The following DDA1 variants were observed in gnomAD, a reference collection of about 807,000 sequenced individuals.
DDA1 encodes DET1- and DDB1-associated protein 1.
Under a neutral mutation model 18.6 loss-of-function variants are expected in DDA1, and 3 were observed. The ratio of observed to expected loss-of-function variants is 0.16; its 90% CI spans 0.07 to 0.42. The LOEUF (loss-of-function observed/expected upper bound fraction) is 0.42, where lower values mean the gene tolerates loss of function less well. DDA1 is among the 10% of genes least tolerant of loss of function. The pLI is 0.99. For synonymous variants in DDA1, 52 were observed against 54.0 expected, an observed-to-expected ratio of 0.96 and a Z score of 0.17; for missense variants, 105 against 138.2, an observed-to-expected ratio of 0.76 and a Z score of 1.20.
At chr19:17,315,304 GTATATATATACACGCTA>G (rs1183099858) in intron 3 of DDA1, among the ~76,000 whole-genome samples, 1,701 of 29,084 alleles carry the variant, frequency 0.058, 231 homozygotes, top group African/African-American at 0.081. Context: ...ATACACACGT[GTATATATATACACGCTA>G]TATATATACA....
chr19:17,319,626 C>T lies in DDA1; in HGVS notation c.279C>T (p.Thr93=), dbSNP rs1216413816. ...CACCTCCCCGCAAGGTGGCGCGGAC[C>T]GACAGCCCAGACATGCACGAGGACA... The part of the protein sequence containing the change: ...SSAPPRKVAR[T]DSPDMHEDT Residue 93 remains threonine (T), a synonymous_variant, in exon 5 of 5, where the codon ACC becomes ACT. Coordinates refer to ENST00000359866, the MANE Select transcript of DDA1 (RefSeq NM_024050.6). 16 of 1,576,160 alleles carry T rather than the reference C, an allele frequency of 1.0e-5. No homozygotes were observed. The highest frequency in any genetic ancestry group is 4.7e-5 in the East Asian group (2 of 42,988).
intron 4 of DDA1, 121 bp downstream of exon 4, chr19:17,316,116 G>A: frequency 8.6e-7 from 1 of 1,165,566 alleles, no homozygotes; most frequent in South Asian, 1.2e-5. Flanking sequence ...GGCTGGGTAG[G>A]AGTGCCCTGG....
chr19:17,316,993 T>A (rs2074216430), intron 4 of DDA1, among the ~76,000 whole-genome samples: 1 of 151,806 alleles, frequency 6.6e-6, no homozygotes, highest in Non-Finnish European at 1.5e-5. Context: ...TTGGGAGGCC[T>A]ACGCAGGCGG....
intron 4 of DDA1, among the ~76,000 whole-genome samples, chr19:17,317,709 T>C (rs2074220707): frequency 6.8e-6 from 1 of 146,398 alleles, no homozygotes; most frequent in Admixed American, 6.8e-5. Flanking sequence ...GGCTGTGGCA[T>C]GTTCCTGTAA....
Position 17,309,612 on chromosome 19 carries a change from G to C in DDA1, c.-43G>C. ...GAAGGCGGCTCTGGTGGCGGCGGTG[G>C]AGGCTGAGGCGGCGGCCGAGGCGGC... On this transcript the variant is annotated 5_prime_UTR_variant, in exon 1 of 5. Transcript: ENST00000359866. The C allele has an allele frequency of 6.2e-7, 1 of 1,609,412 alleles. No homozygotes were observed. Among genetic ancestry groups the C allele is most frequent in the Non-Finnish European group, 8.5e-7 (1 of 1,176,666 alleles).
chr19:17,315,407 T>A (rs1288085992), intron 3 of DDA1, among the ~76,000 whole-genome samples: 1 of 81,796 alleles, frequency 1.2e-5, no homozygotes, highest in Non-Finnish European at 2.7e-5. Context: ...TATATATACA[T>A]ACGTGTGTGT....
intron 1 of DDA1, 21 bp downstream of exon 1, chr19:17,309,678 C>G (rs370489653): frequency 7.4e-6 from 12 of 1,612,022 alleles, no homozygotes; most frequent in Non-Finnish European, 8.5e-6. Context: ...CCTCCAGGCC[C>G]CCACTCCCCC....
rs1380449076 is a variant in DDA1, at chr19:17,319,932, AC to A, written c.*281del. The A allele has an allele frequency of 3.0e-5, 10 of 331,044 alleles. No individual in the cohort carries two copies. The highest frequency in any genetic ancestry group is 4.5e-5 in the Non-Finnish European group (8 of 178,998). The allele number at this position is 331,044 out of a possible 1,614,324, so 20.5% of individuals were successfully genotyped here. A position where few individuals can be genotyped will look rare whatever the true frequency, so the allele number is the denominator to read the frequency against. On this transcript the variant is annotated 3_prime_UTR_variant, in exon 5 of 5. Coordinates refer to ENST00000359866, the MANE Select transcript of DDA1 (RefSeq NM_024050.6). ...TAAAAAAAACAACATTGTCCCCCCG[AC>A]CCCCGCCTTCCATCGGGCCAGTTCC...
In DDA1 at chr19:17,309,586, A is replaced by G; in HGVS notation, c.-69A>G. The G allele has an allele frequency of 6.5e-7, 1 of 1,546,702 alleles. No homozygotes were observed. Among genetic ancestry groups the G allele is most frequent in the Non-Finnish European group, 8.9e-7 (1 of 1,121,050 alleles). On this transcript the variant is annotated 5_prime_UTR_variant, in exon 1 of 5. Coordinates refer to ENST00000359866, the MANE Select transcript of DDA1 (RefSeq NM_024050.6). The stretch of plus-strand genomic sequence containing the variant: ...GGAAGTTACTGTGAGGCGGCGGCTA[A>G]GAAGGCGGCTCTGGTGGCGGCGGTG...
At chr19:17,311,755 T>C (rs904200925) in intron 1 of DDA1, among the ~76,000 whole-genome samples, 4 of 152,198 alleles carry the variant, frequency 2.6e-5, no homozygotes, top group African/African-American at 9.7e-5. Flanking sequence ...TTCTCTGCTA[T>C]TAGTGTACTG....
Position 17,314,487 on chromosome 19 carries a change from A to G in DDA1, c.136+98A>G, listed in dbSNP as rs112446735. 1.8e-3 allele frequency: 2,757 copies of G among 1,525,096 alleles called. 35 individuals are homozygous for G. In the African/African-American group the frequency reaches 0.032, roughly 18 times the overall value. The allele number at this position is 1,525,096 out of a possible 1,614,324, so 94.5% of individuals were successfully genotyped here. ...CGGAGGTTATCTTCAACCCCGGCCCAGGCCATAGACTTGGCTTGGGTTCAC... is the reference window on the plus strand; with the variant it reads ...CGGAGGTTATCTTCAACCCCGGCCCGGGCCATAGACTTGGCTTGGGTTCAC... On this transcript the variant is annotated intron_variant, in intron 3 of 4. Transcript: ENST00000359866. The surrounding 1 kb of genome is among the most constrained non-coding windows in gnomAD (Gnocchi z 4.6).
intron 4 of DDA1, among the ~76,000 whole-genome samples, chr19:17,316,977 C>T (rs34893599): frequency 3.3e-5 from 5 of 151,602 alleles, no homozygotes; most frequent in East Asian, 3.9e-4. Context: ...CTGTAATCCC[C>T]GCGCTTTGGG....
intron 4 of DDA1, 134 bp downstream of exon 4, chr19:17,316,129 G>C: frequency 1.0e-6 from 1 of 981,066 alleles, no homozygotes; most frequent in Non-Finnish European, 1.6e-6. Flanking sequence ...TGCCCTGGGC[G>C]ATCCAGGAGA....
chr19:17,315,315 CACGCTATATATAT>C (rs1568354009), intron 3 of DDA1, among the ~76,000 whole-genome samples: 10 of 53,534 alleles, frequency 1.9e-4, no homozygotes, highest in African/African-American at 2.6e-4. Context: ...TATATATATA[CACGCTATATATAT>C]ACACACGTAT....
In DDA1 at chr19:17,322,937, C is replaced by G. The variant is rs1456650885; in HGVS notation, c.*3281C>G. The G allele has an allele frequency of 2.0e-5, 3 of 152,288 alleles. No homozygotes were observed. The highest frequency in any genetic ancestry group is 7.2e-5 in the African/African-American group (3 of 41,468). 9.4% of individuals were successfully genotyped at this position (152,288 alleles called of 1,614,324 possible). A position where few individuals can be genotyped will look rare whatever the true frequency, so the allele number is the denominator to read the frequency against. ...GTCCTCTTTGAGAAGGAGTCTTACT[C>G]AGGACTGGGGCCTGTGCACACATTG... On this transcript the variant is annotated 3_prime_UTR_variant, in exon 5 of 5. Coordinates refer to ENST00000359866, the MANE Select transcript of DDA1 (RefSeq NM_024050.6).
rs943064860 is a variant in DDA1, at chr19:17,314,522, A to G, written c.136+133A>G. ...CTTGGCTTGGGTTCACACGCTGTCTACTGAATCCAGTTAAGTCAGGGAGGG... is the reference window on the plus strand; with the variant it reads ...CTTGGCTTGGGTTCACACGCTGTCTGCTGAATCCAGTTAAGTCAGGGAGGG... On this transcript the variant is annotated intron_variant, in intron 3 of 4. Coordinates refer to ENST00000359866, the MANE Select transcript of DDA1 (RefSeq NM_024050.6). The surrounding 1 kb of genome is among the most constrained non-coding windows in gnomAD (Gnocchi z 4.6). 3 of 1,237,040 alleles carry G rather than the reference A, an allele frequency of 2.4e-6. No homozygotes were observed. Among genetic ancestry groups the G allele is most frequent in the African/African-American group, 3.0e-5 (2 of 67,084 alleles). 76.6% of individuals were successfully genotyped at this position (1,237,040 alleles called of 1,614,324 possible).
In DDA1 at chr19:17,315,304, G is replaced by GTA. The variant is rs140252080; in HGVS notation, c.137-621_137-620dup. ...ACACACACTATATATATACACACGT[G>GTA]TATATATATACACGCTATATATATA... On this transcript the variant is annotated intron_variant, in intron 3 of 4. Transcript: ENST00000359866. Among the ~76,000 whole-genome samples, 15 of 29,412 alleles carry GTA rather than the reference G, an allele frequency of 5.1e-4. 2 individuals are homozygous for GTA. The highest frequency in any genetic ancestry group is 5.0e-3 in the East Asian group (14 of 2,776). 19.3% of individuals were successfully genotyped at this position (29,412 alleles called of 152,430 possible). A position where few individuals can be genotyped will look rare whatever the true frequency, so the allele number is the denominator to read the frequency against.
At chr19:17,315,429 C>CGT (rs1491243231) in intron 3 of DDA1, among the ~76,000 whole-genome samples, 1 of 52,040 alleles carries the variant, frequency 1.9e-5, no homozygotes, top group African/African-American at 7.7e-5. Context: ...TGTGTGTGTG[C>CGT]ATATATATAT....
intron 4 of DDA1, 60 bp downstream of exon 4, chr19:17,316,055 A>G: frequency 6.3e-7 from 1 of 1,577,586 alleles, no homozygotes. Flanking sequence ...GGCACCTGGC[A>G]GGGGCTTCTG....
Sources: allele counts gnomAD v4.1 joint callset (sites outside exome capture counted in the v4.1 genomes callset), GRCh38; gene constraint gnomAD v4.1.1; non-coding constraint Gnocchi (gnomAD v3.1); transcripts MANE v1.5; gene names NCBI Gene and HGNC (gene_info 2026-07-23, HGNC 2026-07-21).